Variants in DAB1 observed in about 807,000 individuals in gnomAD.
DAB1 encodes the protein disabled homolog 1.
DAB1 carries 15 observed loss-of-function variants against 64.6 expected under a neutral mutation model. The observed-to-expected ratio is 0.23, with a 90% confidence interval of 0.16 to 0.36. The LOEUF (loss-of-function observed/expected upper bound fraction) is 0.36, where lower values mean the gene tolerates loss of function less well. Among genes scored for constraint, DAB1 ranks in the 10% least tolerant of loss-of-function variants. The pLI, the probability that DAB1 is intolerant of heterozygous loss-of-function variation, is 1.00. For synonymous variants in DAB1, 235 were observed against 251.9 expected (o/e 0.93, Z 0.64); for missense variants, 596 against 706.7 (o/e 0.84, Z 1.78).
At chr1:58,108,637 A>G (rs563869945) in intron 5 of DAB1, among the ~76,000 whole-genome samples, 41 of 152,342 alleles carry the variant, frequency 2.7e-4, no homozygotes, top group Admixed American at 6.5e-4. Context: ...AGTGCTCTCA[A>G]TGTGCACTAA....
chr1:57,072,863 T>C (rs907456878), intron 4 of DAB1, among the ~76,000 whole-genome samples: 4 of 152,322 alleles, frequency 2.6e-5, no homozygotes, highest in African/African-American at 9.6e-5. Flanking sequence ...ACTATACATG[T>C]GCATGGTGAC....
intron 6 of DAB1, among the ~76,000 whole-genome samples, chr1:57,674,295 T>A (rs1646540956): frequency 6.6e-6 from 1 of 152,148 alleles, no homozygotes. Context: ...AGAGATATTG[T>A]GAGATATTAT....
At chr1:58,076,811 C>T (rs1649679517) in intron 5 of DAB1, among the ~76,000 whole-genome samples, 1 of 151,736 alleles carries the variant, frequency 6.6e-6, no homozygotes, top group South Asian at 2.1e-4. Context: ...ACAGAAGCTC[C>T]TTTCTTGTAG....
chr1:58,076,572 G>C (rs1649658319), intron 5 of DAB1, among the ~76,000 whole-genome samples: 1 of 152,208 alleles, frequency 6.6e-6, no homozygotes. Flanking sequence ...TTAATGGCAG[G>C]AGATGTTCTC....
intron 2 of DAB1, among the ~76,000 whole-genome samples, chr1:58,506,915 G>C (rs558489692): frequency 6.6e-6 from 1 of 151,978 alleles, no homozygotes; most frequent in African/African-American, 2.4e-5. Flanking sequence ...CTTTTTAAAA[G>C]AATATATGTA....
At chr1:58,431,918 G>A (rs1644880453) in intron 3 of DAB1, among the ~76,000 whole-genome samples, 1 of 152,162 alleles carries the variant, frequency 6.6e-6, no homozygotes, top group Non-Finnish European at 1.5e-5. Context: ...ACCACTTTAG[G>A]AGGATTTGAC....
intron 7 of DAB1, among the ~76,000 whole-genome samples, chr1:57,575,010 A>T (rs1356635599): frequency 1.3e-5 from 2 of 152,208 alleles, no homozygotes; most frequent in African/African-American, 4.8e-5. Context: ...GTTGTTGTTA[A>T]CCTTCTATCA....
At chr1:58,082,872 T>C (rs1056632734) in intron 5 of DAB1, among the ~76,000 whole-genome samples, 2 of 151,996 alleles carry the variant, frequency 1.3e-5, no homozygotes, top group Non-Finnish European at 2.9e-5. Context: ...TTAGTGGGAT[T>C]ATTGCTATTG....
chr1:57,013,345 T>C (rs1415671299), intron 12 of DAB1, among the ~76,000 whole-genome samples: 1 of 152,196 alleles, frequency 6.6e-6, no homozygotes, highest in Non-Finnish European at 1.5e-5. Flanking sequence ...CCTCTTTCAT[T>C]TGTAGCTGGC....
At chr1:58,367,800 C>G (rs1171988054) in intron 3 of DAB1, among the ~76,000 whole-genome samples, 1 of 152,090 alleles carries the variant, frequency 6.6e-6, no homozygotes, top group Non-Finnish European at 1.5e-5. Context: ...TGTTACATGA[C>G]CATGGGCTCA....
intron 5 of DAB1, among the ~76,000 whole-genome samples, chr1:58,132,120 C>T (rs1210492952): frequency 2.0e-5 from 3 of 152,168 alleles, no homozygotes; most frequent in Non-Finnish European, 2.9e-5. Context: ...ACTCCGTGGG[C>T]GTAGGACCCT....
intron 1 of DAB1, among the ~76,000 whole-genome samples, chr1:57,340,083 G>A (rs1677447391): frequency 1.3e-5 from 2 of 152,274 alleles, no homozygotes; most frequent in South Asian, 2.1e-4. Context: ...AAATCTCGAT[G>A]CTCTTCAAGT....
intron 3 of DAB1, among the ~76,000 whole-genome samples, chr1:58,432,460 G>A (rs1644890210): frequency 6.6e-6 from 1 of 152,118 alleles, no homozygotes; most frequent in African/African-American, 2.4e-5. Context: ...CACAAATACT[G>A]GTTGAATGAA....
At chr1:57,825,677 T>C (rs1204728634), downstream of DAB1, among the ~76,000 whole-genome samples, 1 of 152,218 alleles carries the variant, frequency 6.6e-6, no homozygotes, top group African/African-American at 2.4e-5. Flanking sequence ...AGATCCTCAA[T>C]GAACATTTGT....
intron 2 of DAB1, among the ~76,000 whole-genome samples, chr1:57,279,335 A>T (rs533124673): frequency 3.2e-4 from 49 of 152,350 alleles, no homozygotes; most frequent in African/African-American, 1.2e-3. Context: ...TGCAAAGAAA[A>T]TGCTATGTAA....
intron 5 of DAB1, among the ~76,000 whole-genome samples, chr1:58,005,722 C>A (rs939380588): frequency 1.2e-4 from 18 of 151,812 alleles, no homozygotes; most frequent in Non-Finnish European, 1.3e-4. Flanking sequence ...AGCTTAACTG[C>A]ACTCCAGTCA....
At chr1:57,075,431 A>C (rs1389741462) in intron 4 of DAB1, among the ~76,000 whole-genome samples, 2 of 152,224 alleles carry the variant, frequency 1.3e-5, no homozygotes, top group Non-Finnish European at 2.9e-5. Flanking sequence ...TGACATGTTA[A>C]AAAGGATTGC....
intron 7 of DAB1, among the ~76,000 whole-genome samples, chr1:57,488,763 T>C (rs1350783524): frequency 5.3e-5 from 8 of 152,126 alleles, no homozygotes; most frequent in Non-Finnish European, 7.4e-5. Context: ...GTAACATACA[T>C]AGCTAGACTC....
intron 1 of DAB1, among the ~76,000 whole-genome samples, chr1:57,296,721 A>G (rs532350411): frequency 6.6e-6 from 1 of 152,318 alleles, no homozygotes; most frequent in Admixed American, 6.5e-5. Context: ...AGACAGACAA[A>G]CAAATGGGGT....
Sources: gnomAD v4.1 joint callset for allele counts (sites outside exome capture counted in the v4.1 genomes callset) on GRCh38, gnomAD v4.1.1 for gene constraint, MANE v1.5 for transcripts, NCBI Gene and HGNC (gene_info 2026-07-23, HGNC 2026-07-21) for gene names.